BPIFB3: variants seen among roughly 807,000 people sequenced by gnomAD.
BPIFB3 encodes BPI fold-containing family B member 3.
In BPIFB3, 49 loss-of-function variants were observed where a neutral mutation model predicts 53.1. The ratio of observed to expected loss-of-function variants is 0.92; its 90% confidence interval spans 0.73 to 1.17. The LOEUF (loss-of-function observed/expected upper bound fraction) is 1.17, where lower values mean the gene tolerates loss of function less well. Ranked by LOEUF, BPIFB3 falls within the 50% of genes most tolerant of loss-of-function variation. The pLI is 0.00. For missense variants in BPIFB3, 628 were observed against 592.5 expected (o/e 1.06, Z -0.62); for synonymous variants, 271 against 269.6 (o/e 1.01, Z -0.05).
At position 33,071,335 on chromosome 20, in the gene BPIFB3, A is replaced by T. The variant is rs13040149; in HGVS notation, c.1260+40A>T. The T allele has an allele frequency of 8.0e-3, 12,354 of 1,549,954 alleles. 75 individuals carry two copies. Among genetic ancestry groups the T allele is most frequent in the Non-Finnish European group, 9.7e-3 (11,092 of 1,145,006 alleles). ...GGGTGAGGGGCTTGGCAGTGATGAG[A>T]GTCTTCAGGTGTGGCATGGAAAGGG... is the stretch of plus-strand genomic sequence containing the variant. On this transcript the variant is annotated intron_variant, in intron 12 of 14. Transcript: ENST00000375494.
rs1471568034 is a variant in BPIFB3 at position 33,071,148 on chromosome 20, G to A, written c.1218-105G>A. ...TGGATAGAGGCAGAGTGTTGGGCTGGTAATCCTGTTTCCTGATGATGAGAG... is the reference window on the plus strand; with the variant it reads ...TGGATAGAGGCAGAGTGTTGGGCTGATAATCCTGTTTCCTGATGATGAGAG... On this transcript the variant is annotated intron_variant, in intron 11 of 14. Transcript: ENST00000375494. 2.7e-6 allele frequency: 3 copies of A among 1,093,594 alleles called. No homozygotes were observed. The South Asian group carries it at 4.6e-5, about 17-fold the overall frequency. 67.7% of individuals were successfully genotyped at this position (1,093,594 alleles called of 1,614,324 possible).
chr20:33,068,994 TG>T, intron 10 of BPIFB3, 21 bp downstream of exon 11: 2 of 1,601,374 alleles, frequency 1.2e-6, no homozygotes, highest in Non-Finnish European at 1.7e-6. Context: ...AAGGGGTGGC[TG>T]GGGGCCCGGC....
At chr20:33,055,509 G>A (rs1396858084) in exon 1 of BPIFB3, 3 of 1,613,652 alleles carry the variant, frequency 1.9e-6, no homozygotes, top group Middle Eastern at 1.6e-4. Context: ...GAGACGGTGG[G>A]CACGCTCGCT....
At chr20:33,070,180 C>T (rs992905076) in intron 11 of BPIFB3, among the ~76,000 whole-genome samples, 3 of 152,132 alleles carry the variant, frequency 2.0e-5, no homozygotes, top group Admixed American at 6.5e-5. Context: ...GCTTCTTCCA[C>T]GGCACCCTTT....
chr20:33,055,664 TAGAG>T, intron 1 of BPIFB3, 117 bp downstream of exon 2: 1 of 1,437,992 alleles, frequency 7.0e-7, no homozygotes, highest in Non-Finnish European at 9.5e-7. Flanking sequence ...CTCAGCTGCT[TAGAG>T]AGCACATTCT....
At chr20:33,064,642 C>A (rs369645124) in intron 7 of BPIFB3, 24 bp from the exon 9 acceptor site, 1 of 1,613,022 alleles carries the variant, frequency 6.2e-7, no homozygotes. Context: ...AGACCCTCCT[C>A]GGCCCTGTTT....
At chr20:33,069,777 A>C in intron 10 of BPIFB3, 111 bp from the exon 12 acceptor site, 1 of 1,073,606 alleles carries the variant, frequency 9.3e-7, no homozygotes, top group South Asian at 1.3e-5. Flanking sequence ...ACCCTGACAC[A>C]CAGTAGGGCC....
chr20:33,058,938 G>A (rs1980325945), intron 2 of BPIFB3, among the ~76,000 whole-genome samples: 2 of 152,270 alleles, frequency 1.3e-5, no homozygotes, highest in African/African-American at 2.4e-5. Context: ...AGGACAGAGA[G>A]TAATGACTTG....
chr20:33,055,529 A>G (rs759495083), exon 1 of BPIFB3: 1 of 1,613,578 alleles, frequency 6.2e-7, no homozygotes, highest in Admixed American at 1.7e-5. Context: ...TCGGATTGAC[A>G]AGGATGAACT....
At chr20:33,072,361 C>A (rs1980940199) in intron 13 of BPIFB3, among the ~76,000 whole-genome samples, 194 bp downstream of exon 14, 1 of 152,136 alleles carries the variant, frequency 6.6e-6, no homozygotes, top group Non-Finnish European at 1.5e-5. Context: ...ATCTTGCCAG[C>A]CTATGGACTT....
chr20:33,057,395 G>T (rs143822078), intron 2 of BPIFB3, among the ~76,000 whole-genome samples: 1 of 152,112 alleles, frequency 6.6e-6, no homozygotes, highest in East Asian at 1.9e-4. Context: ...CATCATGTTG[G>T]TCAGGGTGGT....
intron 5 of BPIFB3, among the ~76,000 whole-genome samples, chr20:33,062,343 A>C (rs1419936946): frequency 2.0e-5 from 3 of 152,196 alleles, no homozygotes; most frequent in Non-Finnish European, 4.4e-5. Flanking sequence ...TCACCGAGGA[A>C]GAGGGGAGGG....
chr20:33,055,015 G>A (rs188147441), upstream of BPIFB3, among the ~76,000 whole-genome samples: 425 of 152,344 alleles, frequency 2.8e-3, 5 homozygotes, highest in Non-Finnish European at 1.4e-3. Context: ...AAGCCCCTCT[G>A]TCTGCAGCTG....
At chr20:33,072,684 G>A (rs1451006416) in intron 13 of BPIFB3, 33 bp from the exon 15 acceptor site, 10 of 1,587,284 alleles carry the variant, frequency 6.3e-6, no homozygotes, top group Non-Finnish European at 7.8e-6. Context: ...CCCCACCAAT[G>A]TACCTTTGTT....
intron 8 of BPIFB3, among the ~76,000 whole-genome samples, chr20:33,066,486 A>G (rs1246967963): frequency 6.6e-6 from 1 of 152,254 alleles, no homozygotes; most frequent in African/African-American, 2.4e-5. Context: ...TAGCCTGCCC[A>G]GGTTCAAATC....
intron 3 of BPIFB3, 36 bp from the exon 5 acceptor site, chr20:33,059,855 G>A (rs1451900130): frequency 1.2e-6 from 2 of 1,606,024 alleles, no homozygotes; most frequent in Non-Finnish European, 8.5e-7. Context: ...GTGGGAGCTG[G>A]CTGCCTGGCC....
intron 14 of BPIFB3, 92 bp from the exon 16 acceptor site, chr20:33,073,484 G>A: frequency 7.2e-7 from 1 of 1,396,584 alleles, no homozygotes; most frequent in Non-Finnish European, 1.0e-6. Flanking sequence ...CCAGGTACAG[G>A]GCCAATCCCA....
chr20:33,054,499 T>C (rs749992689), upstream of BPIFB3, among the ~76,000 whole-genome samples: 1 of 152,082 alleles, frequency 6.6e-6, no homozygotes, highest in Admixed American at 6.6e-5. Flanking sequence ...AGGGAGGCAA[T>C]GTTTATCCGG....
rs774879637 is a variant in BPIFB3 at position 33,072,701 on chromosome 20, G to A, written c.1325-16G>A. The A allele has an allele frequency of 4.5e-5, 72 of 1,608,180 alleles. No homozygotes were observed. The highest frequency in any genetic ancestry group is 8.5e-6 in the Non-Finnish European group (10 of 1,174,844). ...CCACCAATGTACCTTTGTTTTCAAC[G>A]ATTCTCTTTTCACAGTGGCCCTGGA... On this transcript the variant is annotated splice_polypyrimidine_tract_variant and intron_variant, in intron 13 of 14. Transcript: ENST00000375494.
Sources: allele counts gnomAD v4.1 joint callset (sites outside exome capture counted in the v4.1 genomes callset), GRCh38; gene constraint gnomAD v4.1.1; transcripts MANE v1.5; gene names NCBI Gene and HGNC (gene_info 2026-07-23, HGNC 2026-07-21).